EGFLAM: variants seen among roughly 807,000 people sequenced by gnomAD.
EGFLAM encodes pikachurin.
Under a neutral mutation model 113.1 loss-of-function variants are expected in EGFLAM, and 79 were observed. The ratio of observed to expected loss-of-function variants is 0.70; its 90% CI spans 0.58 to 0.84. The LOEUF is 0.84. Among genes scored for constraint, EGFLAM ranks in the 40% least tolerant of loss-of-function variants. The probability of loss-of-function intolerance (pLI) is 0.00; values close to 1 mark genes in which losing one functional copy is unlikely to be tolerated. For synonymous variants in EGFLAM, 504 were observed against 487.6 expected (o/e 1.03, Z -0.44); for missense variants, 1,265 against 1,291.6 (o/e 0.98, Z 0.32).
At chr5:38,406,736 T>C (rs887434991) in intron 7 of EGFLAM, 92 bp from the exon 8 acceptor site, 7 of 1,261,690 alleles carry the variant, frequency 5.5e-6, no homozygotes, top group East Asian at 2.4e-5. Flanking sequence ...GAAGTGACCA[T>C]GTTTTCAAGT....
Position 38,418,208 on chromosome 5 carries a change from A to G in EGFLAM, c.1637A>G (p.Asp546Gly), listed in dbSNP as rs1261071198. 6 of 1,613,992 alleles carry G rather than the reference A, an allele frequency of 3.7e-6. No individual in the cohort carries two copies. The highest frequency in any genetic ancestry group is 3.3e-5 in the Admixed American group (2 of 60,000). Residue 546 changes from aspartate to glycine, a missense_variant, in exon 12 of 22, where the codon GAC becomes GGC. Coordinates refer to ENST00000322350, the MANE Select transcript of EGFLAM (RefSeq NM_152403.4). ...CTCGCTGTGAATGGGAGGAGAATTG[A>G]CATGAGGCCCTGGCCCCTGGGAAAA... is the stretch of plus-strand genomic sequence containing the variant. ...QSLAVNGRRI[D>G]MRPWPLGKAL...
At chr5:38,394,711 CT>C (rs11451294) in intron 6 of EGFLAM, among the ~76,000 whole-genome samples, 35 of 121,688 alleles carry the variant, frequency 2.9e-4, no homozygotes, top group East Asian at 1.9e-3. Context: ...GCCGGGCCCA[CT>C]TTTTTTTTTT....
rs117778925 is a variant in EGFLAM at position 38,367,071 on chromosome 5, G to A, written c.546-3225G>A. On this transcript the variant is annotated intron_variant, in intron 5 of 21. Transcript: ENST00000322350. ...AGCCACTGATCTCCTGAGGTATAGG[G>A]TGCCTGGCCCAACCCTATCTCACTA... Among the ~76,000 whole-genome samples the A allele has an allele frequency of 1.5e-3, 221 of 152,268 alleles. 4 individuals are homozygous for A. The South Asian group carries it at 0.022, about 15-fold the overall frequency.
chr5:38,435,806 CTTTTTTTTTTTTTTT>C (rs60461690), intron 16 of EGFLAM, among the ~76,000 whole-genome samples: 11 of 88,924 alleles, frequency 1.2e-4, no homozygotes, highest in African/African-American at 4.7e-4. Context: ...CCGGCTCTCT[CTTTTTTTTTTTTTTT>C]TTTTTTTTTT....
chr5:38,384,906 A>T (rs1740616621), intron 6 of EGFLAM, among the ~76,000 whole-genome samples: 1 of 152,078 alleles, frequency 6.6e-6, no homozygotes, highest in African/African-American at 2.4e-5. Flanking sequence ...TTTGGCTGTC[A>T]CAACTGGGGG....
chr5:38,392,786 A>G (rs1274724363), intron 6 of EGFLAM, among the ~76,000 whole-genome samples: 1 of 152,070 alleles, frequency 6.6e-6, no homozygotes, highest in Non-Finnish European at 1.5e-5. Context: ...TGCACCCATT[A>G]ACTCATCATT....
At chr5:38,279,249 A>T (rs1757960081) in intron 1 of EGFLAM, among the ~76,000 whole-genome samples, 1 of 152,210 alleles carries the variant, frequency 6.6e-6, no homozygotes, top group African/African-American at 2.4e-5. Context: ...GAGAAAAGGG[A>T]ATTTTTATTT....
At position 38,464,019 on chromosome 5, in the gene EGFLAM, T is replaced by C; in HGVS notation, c.*33T>C. 1 of 1,613,538 alleles carries C rather than the reference T, an allele frequency of 6.2e-7. No homozygotes were observed. The highest frequency in any genetic ancestry group is 1.1e-5 in the South Asian group (1 of 90,950). ...TGGCCTTGTCCAAGGGACAGAGCCT[T>C]CTATTCTGAGAATCCCAGGGGCCCT... is the stretch of plus-strand genomic sequence containing the variant. On this transcript the variant is annotated 3_prime_UTR_variant, in exon 22 of 22. Transcript: ENST00000322350.
At chr5:38,371,891 G>A (rs952759079) in intron 6 of EGFLAM, among the ~76,000 whole-genome samples, 6 of 152,070 alleles carry the variant, frequency 3.9e-5, no homozygotes, top group Non-Finnish European at 8.8e-5. Context: ...CACTGAGTTC[G>A]TCTTTTTGCA....
chr5:38,403,692 A>G, intron 6 of EGFLAM: 1 of 1,335,940 alleles, frequency 7.5e-7, no homozygotes, highest in South Asian at 1.5e-5. Flanking sequence ...TTATTTCTGG[A>G]ATTTCCCATT....
intron 6 of EGFLAM, among the ~76,000 whole-genome samples, chr5:38,370,872 T>C (rs1740195500): frequency 6.6e-6 from 1 of 152,102 alleles, no homozygotes; most frequent in African/African-American, 2.4e-5. Flanking sequence ...TAAAGGATAT[T>C]CAAACAACAT....
At chr5:38,305,114 G>A (rs1424120963) in intron 1 of EGFLAM, among the ~76,000 whole-genome samples, 2 of 151,686 alleles carry the variant, frequency 1.3e-5, no homozygotes, top group Non-Finnish European at 2.9e-5. Context: ...TTCTACAAAG[G>A]AAGAAAAGAG....
At chr5:38,363,877 G>T (rs1039753191) in intron 5 of EGFLAM, among the ~76,000 whole-genome samples, 1 of 152,184 alleles carries the variant, frequency 6.6e-6, no homozygotes, top group East Asian at 1.9e-4. Flanking sequence ...TGCTTTGCCA[G>T]CTGTATGAAC....
intron 5 of EGFLAM, among the ~76,000 whole-genome samples, chr5:38,352,963 C>G (rs1419006836): frequency 6.6e-6 from 1 of 152,158 alleles, no homozygotes; most frequent in Non-Finnish European, 1.5e-5. Flanking sequence ...GCCCTCCTGG[C>G]TTTGAAATAT....
chr5:38,290,252 A>C (rs1295964891), intron 1 of EGFLAM, among the ~76,000 whole-genome samples: 3 of 152,168 alleles, frequency 2.0e-5, no homozygotes, highest in Admixed American at 6.5e-5. Context: ...CTGTGGGCTA[A>C]GGAGCTGGAC....
chr5:38,367,941 CTT>C (rs1427557015), intron 5 of EGFLAM, among the ~76,000 whole-genome samples: 1 of 152,194 alleles, frequency 6.6e-6, no homozygotes, highest in East Asian at 1.9e-4. Flanking sequence ...GATTTAATCT[CTT>C]GTTTGCTGGA....
chr5:38,311,747 T>C (rs967104078), intron 1 of EGFLAM, among the ~76,000 whole-genome samples: 1 of 152,120 alleles, frequency 6.6e-6, no homozygotes, highest in Non-Finnish European at 1.5e-5. Context: ...TGAAGTGAAG[T>C]TGGCAATCCT....
At chr5:38,270,046 G>A (rs62352375) in intron 1 of EGFLAM, among the ~76,000 whole-genome samples, 19,987 of 152,196 alleles carry the variant, frequency 0.13, 1,480 homozygotes, top group Middle Eastern at 0.28. Context: ...AAGAAGACAC[G>A]CTCTTCAACC....
At chr5:38,274,950 G>T (rs1463704855) in intron 1 of EGFLAM, among the ~76,000 whole-genome samples, 3 of 151,904 alleles carry the variant, frequency 2.0e-5, no homozygotes, top group East Asian at 1.9e-4. Context: ...CATTCAAAAT[G>T]TGGAGGGGTA....
Sources: gnomAD v4.1 joint callset for allele counts (sites outside exome capture counted in the v4.1 genomes callset) on GRCh38, gnomAD v4.1.1 for gene constraint, MANE v1.5 for transcripts, NCBI Gene and HGNC (gene_info 2026-07-23, HGNC 2026-07-21) for gene names.